The following KLLN variants were observed in gnomAD, a reference collection of about 807,000 sequenced individuals.
KLLN encodes killin.
For synonymous variants in KLLN, 142 were observed against 102.2 expected (o/e 1.39, Z -2.35); for missense variants, 340 against 241.3 (o/e 1.41, Z -2.71).
In KLLN at chr10:87,863,386, G is replaced by T. The variant is rs587782204; in HGVS notation, c.-899C>A. On this transcript the variant is annotated 5_prime_UTR_variant, in exon 1 of 1. Coordinates refer to ENST00000445946, the MANE Select transcript of KLLN (RefSeq NM_001126049.2). Reference sequence around the variant, plus strand: ...CCTGCGGCTTGGGGACTCTGCGCTCGCACCCAGAGCTACCGCTCTGCCCCC... The same window carrying T: ...CCTGCGGCTTGGGGACTCTGCGCTCTCACCCAGAGCTACCGCTCTGCCCCC... 2.9e-6 allele frequency: 1 copy of T among 349,230 alleles called. No homozygotes were observed. Among genetic ancestry groups the T allele is most frequent in the African/African-American group, 2.1e-5 (1 of 47,202 alleles). 21.6% of individuals were successfully genotyped at this position (349,230 alleles called of 1,614,324 possible).
chr10:87,863,478 C>G lies in KLLN; in HGVS notation c.-991G>C. On this transcript the variant is annotated 5_prime_UTR_variant, in exon 1 of 1. Coordinates refer to ENST00000445946, the MANE Select transcript of KLLN (RefSeq NM_001126049.2). The stretch of plus-strand genomic sequence containing the variant: ...CGCGGTCCCGTCCGCCTCTCGCTCG[C>G]CTCCCGCCTCCCCTCGGTCTTCCGA... The G allele has an allele frequency of 2.6e-6, 1 of 382,148 alleles. No individual in the cohort carries two copies. The highest frequency in any genetic ancestry group is 3.7e-5 in the East Asian group (1 of 27,028). The allele number at this position is 382,148 out of a possible 1,614,324, so 23.7% of individuals were successfully genotyped here.
Position 87,863,365 on chromosome 10 carries a change from C to T in KLLN, c.-878G>A. 3.0e-6 allele frequency: 1 copy of T among 331,446 alleles called. No homozygotes were observed. The highest frequency in any genetic ancestry group is 5.7e-6 in the Non-Finnish European group (1 of 175,958). 20.5% of individuals were successfully genotyped at this position (331,446 alleles called of 1,614,324 possible). ...CACTGGGCATGCTCAGTAGAGCCTGCGGCTTGGGGACTCTGCGCTCGCACC... is the reference window on the plus strand; with the variant it reads ...CACTGGGCATGCTCAGTAGAGCCTGTGGCTTGGGGACTCTGCGCTCGCACC... On this transcript the variant is annotated 5_prime_UTR_variant, in exon 1 of 1. Coordinates refer to ENST00000445946, the MANE Select transcript of KLLN (RefSeq NM_001126049.2).
chr10:87,860,650 G>C lies in KLLN; in HGVS notation c.*1301C>G, dbSNP rs548921567. On this transcript the variant is annotated 3_prime_UTR_variant, in exon 1 of 1. Coordinates refer to ENST00000445946, the MANE Select transcript of KLLN (RefSeq NM_001126049.2). ...TAGGCTCCAGGGGAGGGACAGAGAA[G>C]GGCAGTGCTAATAACAGGGACTCTG... 33 of 152,354 alleles carry C rather than the reference G, an allele frequency of 2.2e-4. No individual in the cohort carries two copies. Among genetic ancestry groups the C allele is most frequent in the African/African-American group, 7.7e-4 (32 of 41,574 alleles). The allele number at this position is 152,354 out of a possible 1,614,324, so 9.4% of individuals were successfully genotyped here.
rs1259024071 is a variant in KLLN, at chr10:87,861,414, T to C, written c.*537A>G. 1 of 152,828 alleles carries C rather than the reference T, an allele frequency of 6.5e-6. No individual in the cohort carries two copies. Among genetic ancestry groups the C allele is most frequent in the Non-Finnish European group, 1.5e-5 (1 of 68,488 alleles). The allele number at this position is 152,828 out of a possible 1,614,324, so 9.5% of individuals were successfully genotyped here. ...GCTTCAACCTAGGTCTCGTTAGATATTTTTTGACTCAAATTGTCGTCTGTA... is the reference window on the plus strand; with the variant it reads ...GCTTCAACCTAGGTCTCGTTAGATACTTTTTGACTCAAATTGTCGTCTGTA... On this transcript the variant is annotated 3_prime_UTR_variant, in exon 1 of 1. Transcript: ENST00000445946.
At position 87,860,473 on chromosome 10, in the gene KLLN, T is replaced by C. The variant is rs1196705745; in HGVS notation, c.*1478A>G. 1 of 152,280 alleles carries C rather than the reference T, an allele frequency of 6.6e-6. No individual in the cohort carries two copies. Among genetic ancestry groups the C allele is most frequent in the African/African-American group, 2.4e-5 (1 of 41,474 alleles). The allele number at this position is 152,280 out of a possible 1,614,324, so 9.4% of individuals were successfully genotyped here. On this transcript the variant is annotated 3_prime_UTR_variant, in exon 1 of 1. Transcript: ENST00000445946. ...TATTCTAGCACTTTAGTGCTGGTGA[T>C]GCAGATTATCTCTGCTCCAGAGTAA...
rs1554889858 is a variant in KLLN, at chr10:87,863,369, T to C, written c.-882A>G. ...GGGCATGCTCAGTAGAGCCTGCGGC[T>C]TGGGGACTCTGCGCTCGCACCCAGA... On this transcript the variant is annotated 5_prime_UTR_variant, in exon 1 of 1. Coordinates refer to ENST00000445946, the MANE Select transcript of KLLN (RefSeq NM_001126049.2). The C allele has an allele frequency of 3.0e-6, 1 of 333,540 alleles. No homozygotes were observed. Among genetic ancestry groups the C allele is most frequent in the Non-Finnish European group, 5.6e-6 (1 of 177,662 alleles). The allele number at this position is 333,540 out of a possible 1,614,324, so 20.7% of individuals were successfully genotyped here.
chr10:87,861,934 G>GTCTACATCGACTTGCT lies in KLLN; in HGVS notation c.*16_*17insAGCAAGTCGATGTAGA, dbSNP rs1247277998. The GTCTACATCGACTTGCT allele has an allele frequency of 2.8e-6, 4 of 1,453,390 alleles. No individual in the cohort carries two copies. 90.0% of individuals were successfully genotyped at this position (1,453,390 alleles called of 1,614,324 possible). On this transcript the variant is annotated 3_prime_UTR_variant, in exon 1 of 1. Transcript: ENST00000445946. ...CGCAGAATAGGTCGATGTAGAGCAA[G>GTCTACATCGACTTGCT]GAGTGAGTCTCAGGTCTCAGTCCTT...
In KLLN at chr10:87,863,027, G is replaced by C. The variant is rs1278941168; in HGVS notation, c.-540C>G. 5.6e-6 allele frequency: 1 copy of C among 178,552 alleles called. No individual in the cohort carries two copies. The highest frequency in any genetic ancestry group is 2.4e-5 in the African/African-American group (1 of 41,654). 11.1% of individuals were successfully genotyped at this position (178,552 alleles called of 1,614,324 possible). ...GAAATCTAGGGGTAGAGGCAAGGGG[G>C]GAGGGTATTCCCCTTGCAGGGACCG... On this transcript the variant is annotated 5_prime_UTR_variant, in exon 1 of 1. Coordinates refer to ENST00000445946, the MANE Select transcript of KLLN (RefSeq NM_001126049.2).
chr10:87,863,327 C>T lies in KLLN; in HGVS notation c.-840G>A, dbSNP rs563841270. 306 of 289,410 alleles carry T rather than the reference C, an allele frequency of 1.1e-3. 3 individuals carry two copies. The East Asian group carries it at 0.014, about 13-fold the overall frequency. 17.9% of individuals were successfully genotyped at this position (289,410 alleles called of 1,614,324 possible). ...GCGGCTGGGAACCGGCCCGAGCAAG[C>T]CCCAGGCAGCTACACTGGGCATGCT... is the stretch of plus-strand genomic sequence containing the variant. On this transcript the variant is annotated 5_prime_UTR_variant, in exon 1 of 1. Transcript: ENST00000445946.
Position 87,862,466 on chromosome 10 carries a change from A to T in KLLN, c.22T>A (p.Ser8Thr), listed in dbSNP as rs1378453943. 7.7e-6 allele frequency: 12 copies of T among 1,549,120 alleles called. No individual in the cohort carries two copies. In the East Asian group the frequency reaches 2.7e-4, roughly 35 times the overall value. MDRPGPG[S>T]ARPGRTVHVW... ...TGCACGGTCCGGCCGGGGCGCGCGG[A>T]GCCTGGCCCCGGGCGATCCATCCTG... Residue 8 changes from serine to threonine, a missense_variant, in exon 1 of 1, where the codon TCC becomes ACC. Ser to Thr is a moderately conservative substitution (Grantham distance 58). Coordinates refer to ENST00000445946, the MANE Select transcript of KLLN (RefSeq NM_001126049.2).
chr10:87,862,929 C>T lies in KLLN; in HGVS notation c.-442G>A, dbSNP rs920102209. On this transcript the variant is annotated 5_prime_UTR_variant, in exon 1 of 1. Coordinates refer to ENST00000445946, the MANE Select transcript of KLLN (RefSeq NM_001126049.2). ...GGGAATCTCTAGGCAAAGGCTGTTA[C>T]AGTCAAATCTCTGCGAACGATTGTG... 3.5e-5 allele frequency: 7 copies of T among 201,522 alleles called. No homozygotes were observed. The highest frequency in any genetic ancestry group is 1.2e-4 in the African/African-American group (5 of 42,690). 12.5% of individuals were successfully genotyped at this position (201,522 alleles called of 1,614,324 possible). A position where few individuals can be genotyped will look rare whatever the true frequency, so the allele number is the denominator to read the frequency against.
chr10:87,862,034 G>A lies in KLLN; in HGVS notation c.454C>T (p.Pro152Ser), dbSNP rs1239096657. Residue 152 changes from proline to serine, a missense_variant, in exon 1 of 1, where the codon CCG becomes TCG. Transcript: ENST00000445946. ...CTCTCCCCGCGTTCTGTAAGAATCGGCGGCAGCCAGCAGGCGGGGAGGCGG... is the reference window on the plus strand; with the variant it reads ...CTCTCCCCGCGTTCTGTAAGAATCGACGGCAGCCAGCAGGCGGGGAGGCGG... ...CPRLPACWLP[P>S]ILTERGERVP... is the part of the protein sequence containing the mutation. 1 of 1,487,336 alleles carries A rather than the reference G, an allele frequency of 6.7e-7. No homozygotes were observed. Among genetic ancestry groups the A allele is most frequent in the African/African-American group, 1.4e-5 (1 of 70,812 alleles). 92.1% of individuals were successfully genotyped at this position (1,487,336 alleles called of 1,614,324 possible). A position where few individuals can be genotyped will look rare whatever the true frequency, so the allele number is the denominator to read the frequency against.
Position 87,859,225 on chromosome 10 carries a change from A to G in KLLN, c.*2726T>C, listed in dbSNP as rs1429067836. The G allele has an allele frequency of 6.6e-6, 1 of 152,226 alleles. No homozygotes were observed. Among genetic ancestry groups the G allele is most frequent in the Non-Finnish European group, 1.5e-5 (1 of 68,046 alleles). The allele number at this position is 152,226 out of a possible 1,614,324, so 9.4% of individuals were successfully genotyped here. A position where few individuals can be genotyped will look rare whatever the true frequency, so the allele number is the denominator to read the frequency against. ...AATGTTTGTTATTAGGATAAATGAA[A>G]TAAGGGGAAAACCTCAGACCCTTGG... On this transcript the variant is annotated 3_prime_UTR_variant, in exon 1 of 1. Coordinates refer to ENST00000445946, the MANE Select transcript of KLLN (RefSeq NM_001126049.2).
At position 87,862,323 on chromosome 10, in the gene KLLN, G is replaced by A. The variant is rs1858281455; in HGVS notation, c.165C>T (p.Ala55=). ...GFKRRWKDTR[A]TVGTTFRRRS... is the part of the protein sequence containing the mutation. ...TCCTTCGGAAAGTAGTTCCGACTGT[G>A]GCCCGTGTATCCTTCCACCTCCTTT... The change falls in exon 1 of 1, where the codon GCC becomes GCT. Residue 55 remains alanine, a synonymous_variant. Coordinates refer to ENST00000445946, the MANE Select transcript of KLLN (RefSeq NM_001126049.2). The A allele has an allele frequency of 2.6e-6, 4 of 1,551,718 alleles. No individual in the cohort carries two copies. Among genetic ancestry groups the A allele is most frequent in the Non-Finnish European group, 3.5e-6 (4 of 1,146,982 alleles).
At position 87,859,593 on chromosome 10, in the gene KLLN, T is replaced by C. The variant is rs536035434; in HGVS notation, c.*2358A>G. The stretch of plus-strand genomic sequence containing the variant: ...GTAACAATAGAGTTTTGGAATCAGC[T>C]GTTAGAAGCGATAATTAAAGCTAGT... On this transcript the variant is annotated 3_prime_UTR_variant, in exon 1 of 1. Transcript: ENST00000445946. The C allele has an allele frequency of 1.3e-5, 2 of 152,306 alleles. No individual in the cohort carries two copies. Among genetic ancestry groups the C allele is most frequent in the South Asian group, 4.2e-4 (2 of 4,818 alleles). The allele number at this position is 152,306 out of a possible 1,614,324, so 9.4% of individuals were successfully genotyped here.
In KLLN at chr10:87,862,360, A is replaced by T. The variant is rs1177072090; in HGVS notation, c.128T>A (p.Leu43Gln). 1.3e-6 allele frequency: 2 copies of T among 1,551,474 alleles called. No individual in the cohort carries two copies. Among genetic ancestry groups the T allele is most frequent in the Non-Finnish European group, 1.7e-6 (2 of 1,146,924 alleles). ...QPSEWAGRGD[L>Q]GGFKRRWKDT... is the part of the protein sequence containing the mutation. Reference sequence around the variant, plus strand: ...CTTCCACCTCCTTTTGAACCCTCCTAGGTCTCCTCGCCCCGCCCACTCGCT... The same window carrying T: ...CTTCCACCTCCTTTTGAACCCTCCTTGGTCTCCTCGCCCCGCCCACTCGCT... The change falls in exon 1 of 1, where the codon CTA (leucine) becomes CAA (glutamine). Residue 43 changes from leucine (L) to glutamine (Q), a missense_variant. Leu to Gln is a moderately radical substitution (Grantham distance 113). Transcript: ENST00000445946.
In KLLN at chr10:87,862,298, T is replaced by A. The variant is rs1355394804; in HGVS notation, c.190A>T (p.Arg64Trp). The change falls in exon 1 of 1, where the codon AGG becomes TGG. Residue 64 changes from arginine (R) to tryptophan (W), a missense_variant. By Grantham distance (101) the Arg-to-Trp change is moderately radical. Transcript: ENST00000445946. ...RATVGTTFRR[R>W]SRVSLVGELS... The stretch of plus-strand genomic sequence containing the variant: ...TCCCCAACTAGGGACACACGTGACC[T>A]CCTTCGGAAAGTAGTTCCGACTGTG... The A allele has an allele frequency of 1.3e-6, 2 of 1,551,744 alleles. No homozygotes were observed. Among genetic ancestry groups the A allele is most frequent in the Non-Finnish European group, 8.7e-7 (1 of 1,146,996 alleles).
Position 87,863,145 on chromosome 10 carries a change from C to T in KLLN, c.-658G>A, listed in dbSNP as rs1554889769. 1 of 178,808 alleles carries T rather than the reference C, an allele frequency of 5.6e-6. No individual in the cohort carries two copies. The highest frequency in any genetic ancestry group is 6.4e-5 in the Admixed American group (1 of 15,508). The allele number at this position is 178,808 out of a possible 1,614,324, so 11.1% of individuals were successfully genotyped here. On this transcript the variant is annotated 5_prime_UTR_variant, in exon 1 of 1. Transcript: ENST00000445946. The stretch of plus-strand genomic sequence containing the variant: ...TCAGACTCGAGTCAGTGACACTGCT[C>T]AACGCACCCATCTCAGCTTTCATCA...
In KLLN at chr10:87,862,782, C is replaced by T. The variant is rs114717956; in HGVS notation, c.-295G>A. Reference sequence around the variant, plus strand: ...TTTTAGGGCAAACGAGCCGAGTTACCGGGGAAGCGAGAGGTGGGGCGCTGC... The same window carrying T: ...TTTTAGGGCAAACGAGCCGAGTTACTGGGGAAGCGAGAGGTGGGGCGCTGC... On this transcript the variant is annotated 5_prime_UTR_variant, in exon 1 of 1. Coordinates refer to ENST00000445946, the MANE Select transcript of KLLN (RefSeq NM_001126049.2). 3.1e-3 allele frequency: 1,435 copies of T among 462,206 alleles called. 21 individuals carry two copies. The highest frequency in any genetic ancestry group is 0.025 in the African/African-American group (1,291 of 51,618). 28.6% of individuals were successfully genotyped at this position (462,206 alleles called of 1,614,324 possible). A position where few individuals can be genotyped will look rare whatever the true frequency, so the allele number is the denominator to read the frequency against.
Sources: gnomAD v4.1 joint callset for allele counts on GRCh38, gnomAD v4.1.1 for gene constraint, MANE v1.5 for transcripts, NCBI Gene and HGNC (gene_info 2026-07-23, HGNC 2026-07-21) for gene names.